CDYL2: variants seen among roughly 807,000 people sequenced by gnomAD.
The protein encoded by CDYL2 is chromodomain Y-like protein 2.
In CDYL2, 23 loss-of-function variants were observed where a neutral mutation model predicts 49.4. The observed-to-expected ratio is 0.47, with a 90% CI of 0.34 to 0.66. CDYL2 has a LOEUF of 0.66. Among genes scored for constraint, CDYL2 ranks in the 30% least tolerant of loss-of-function variants. The pLI, the probability that CDYL2 is intolerant of heterozygous loss-of-function variation, is 0.01. For missense variants in CDYL2, 678 were observed against 656.4 expected, an observed-to-expected ratio of 1.03 and a Z score of -0.36; for synonymous variants, 360 against 268.8, an observed-to-expected ratio of 1.34 and a Z score of -3.32.
chr16:80,725,936 G>T (rs572910824), intron 1 of CDYL2, among the ~76,000 whole-genome samples: 2 of 152,312 alleles, frequency 1.3e-5, no homozygotes, highest in Non-Finnish European at 2.9e-5. Context: ...ATCTTCTGAA[G>T]TGGGATGACA....
Position 80,604,036 on chromosome 16 carries a change from C to T in CDYL2, c.*352G>A, listed in dbSNP as rs1337139904. On this transcript the variant is annotated 3_prime_UTR_variant, in exon 7 of 7. Coordinates refer to ENST00000570137, the MANE Select transcript of CDYL2 (RefSeq NM_152342.4). ...CCAAGTCAGAGGCACTGTGTAGACA[C>T]AGCCTGAGTCAGAAGAATGTGAAAG... 7.4e-6 allele frequency: 2 copies of T among 268,770 alleles called. No individual in the cohort carries two copies. The highest frequency in any genetic ancestry group is 2.2e-5 in the African/African-American group (1 of 45,932). 16.6% of individuals were successfully genotyped at this position (268,770 alleles called of 1,614,324 possible). A position where few individuals can be genotyped will look rare whatever the true frequency, so the allele number is the denominator to read the frequency against.
intron 1 of CDYL2, among the ~76,000 whole-genome samples, chr16:80,773,167 G>C (rs1047585426): frequency 6.6e-6 from 1 of 152,098 alleles, no homozygotes; most frequent in Admixed American, 6.6e-5. Flanking sequence ...ACTAATATCA[G>C]ATATTTTTTA....
At chr16:80,705,867 T>C (rs1904387266) in intron 1 of CDYL2, among the ~76,000 whole-genome samples, 2 of 152,284 alleles carry the variant, frequency 1.3e-5, no homozygotes, top group Admixed American at 1.3e-4. Flanking sequence ...CATATTATAA[T>C]TTCTCCATTC....
chr16:80,712,987 T>A (rs1904671884), intron 1 of CDYL2, among the ~76,000 whole-genome samples: 1 of 152,148 alleles, frequency 6.6e-6, no homozygotes, highest in Non-Finnish European at 1.5e-5. Flanking sequence ...ATGTCCGAAG[T>A]CAAATGCACT....
chr16:80,726,059 T>A (rs942763860), intron 1 of CDYL2, among the ~76,000 whole-genome samples: 1 of 152,248 alleles, frequency 6.6e-6, no homozygotes, highest in East Asian at 1.9e-4. Context: ...ACATCTATTT[T>A]AAGTTCAAAA....
At chr16:80,796,408 A>T (rs908455398) in intron 1 of CDYL2, among the ~76,000 whole-genome samples, 9 of 152,208 alleles carry the variant, frequency 5.9e-5, no homozygotes, top group African/African-American at 2.2e-4. Context: ...CATAAAACTG[A>T]CCATCACATA....
chr16:80,777,138 A>G (rs1907113113), intron 1 of CDYL2, among the ~76,000 whole-genome samples: 1 of 152,114 alleles, frequency 6.6e-6, no homozygotes, highest in African/African-American at 2.4e-5. Flanking sequence ...ATTATTTTTT[A>G]AAGTCAAGAA....
chr16:80,636,890 C>T (rs377667359), intron 2 of CDYL2, among the ~76,000 whole-genome samples: 2 of 152,142 alleles, frequency 1.3e-5, no homozygotes, highest in East Asian at 3.9e-4. Context: ...AGGATGAGTT[C>T]ATGTCCTTTG....
chr16:80,773,864 T>C (rs900010947), intron 1 of CDYL2, among the ~76,000 whole-genome samples: 1 of 147,926 alleles, frequency 6.8e-6, no homozygotes, highest in Admixed American at 6.6e-5. Context: ...ATGTCAAGAA[T>C]TTTTTTAATA....
intron 4 of CDYL2, among the ~76,000 whole-genome samples, chr16:80,616,885 A>T (rs1280702275): frequency 1.3e-5 from 2 of 152,102 alleles, no homozygotes; most frequent in African/African-American, 4.8e-5. Flanking sequence ...GATTGTTCCC[A>T]TTTTCTGGAT....
chr16:80,777,020 C>T (rs1461411626), intron 1 of CDYL2, among the ~76,000 whole-genome samples: 5 of 151,980 alleles, frequency 3.3e-5, no homozygotes, highest in Non-Finnish European at 7.4e-5. Context: ...CGGGGTTTTA[C>T]CGTGTTGCCC....
intron 1 of CDYL2, among the ~76,000 whole-genome samples, chr16:80,775,170 C>T (rs981124740): frequency 6.6e-6 from 1 of 151,534 alleles, no homozygotes; most frequent in African/African-American, 2.4e-5. Flanking sequence ...ACTTCAGCAT[C>T]TTGAAACAGA....
chr16:80,634,089 A>G (rs1907702507), intron 2 of CDYL2, among the ~76,000 whole-genome samples: 1 of 152,164 alleles, frequency 6.6e-6, no homozygotes, highest in Non-Finnish European at 1.5e-5. Flanking sequence ...CCAAAAAAAA[A>G]AAAGGGAAAG....
intron 6 of CDYL2, among the ~76,000 whole-genome samples, chr16:80,607,648 T>C (rs555107711): frequency 5.3e-5 from 8 of 152,362 alleles, no homozygotes; most frequent in South Asian, 2.1e-4. Context: ...AACAGTGACA[T>C]TTAAATGTGA....
intron 1 of CDYL2, among the ~76,000 whole-genome samples, chr16:80,717,094 T>C (rs978120147): frequency 2.7e-5 from 4 of 146,812 alleles, no homozygotes; most frequent in Middle Eastern, 3.5e-3. Flanking sequence ...GGGTGAATGA[T>C]TGGGTTGACA....
intron 2 of CDYL2, among the ~76,000 whole-genome samples, chr16:80,654,706 G>A (rs1382261729): frequency 2.6e-5 from 4 of 152,326 alleles, no homozygotes; most frequent in East Asian, 1.9e-4. Flanking sequence ...GCAAGGCAAC[G>A]CTTCAGACAT....
In CDYL2 at chr16:80,601,615, G is replaced by C. The variant is rs1240947849; in HGVS notation, c.*2773C>G. The C allele has an allele frequency of 1.3e-5, 2 of 152,120 alleles. No homozygotes were observed. The highest frequency in any genetic ancestry group is 4.8e-5 in the African/African-American group (2 of 41,416). 9.4% of individuals were successfully genotyped at this position (152,120 alleles called of 1,614,324 possible). ...AAACCCTGACACAACCAGAGGTCTG[G>C]TATTTTCCATCCCAAATCTATTTGC... On this transcript the variant is annotated 3_prime_UTR_variant, in exon 7 of 7. Coordinates refer to ENST00000570137, the MANE Select transcript of CDYL2 (RefSeq NM_152342.4).
At chr16:80,764,001 G>C (rs1402603949) in intron 1 of CDYL2, among the ~76,000 whole-genome samples, 4 of 151,918 alleles carry the variant, frequency 2.6e-5, no homozygotes, top group African/African-American at 9.7e-5. Flanking sequence ...CCCAGGAAAA[G>C]CACTGGAGAA....
intron 1 of CDYL2, among the ~76,000 whole-genome samples, chr16:80,693,892 A>C (rs1910516516): frequency 1.3e-5 from 2 of 152,256 alleles, no homozygotes; most frequent in Admixed American, 1.3e-4. Context: ...GTGACAAATG[A>C]ATCTCACTGT....
Sources: allele counts gnomAD v4.1 joint callset (sites outside exome capture counted in the v4.1 genomes callset), GRCh38; gene constraint gnomAD v4.1.1; transcripts MANE v1.5; gene names NCBI Gene and HGNC (gene_info 2026-07-23, HGNC 2026-07-21).